Variants in RORA observed in about 807,000 individuals in gnomAD.
RORA encodes the protein nuclear receptor ROR-alpha.
Under a neutral mutation model 69.5 loss-of-function variants are expected in RORA, and 7 were observed. That is an observed-to-expected ratio of 0.10 (90% CI 0.06 to 0.19). The LOEUF is 0.19. Ranked by LOEUF, RORA falls within the 10% of genes least tolerant of loss-of-function variation. RORA has a pLI of 1.00. For synonymous variants in RORA, 261 were observed against 240.8 expected, an observed-to-expected ratio of 1.08 and a Z score of -0.78; for missense variants, 457 against 663.0, an observed-to-expected ratio of 0.69 and a Z score of 3.41.
chr15:60,844,107 T>G (rs2073235345), intron 1 of RORA, among the ~76,000 whole-genome samples: 2 of 152,202 alleles, frequency 1.3e-5, no homozygotes. Flanking sequence ...CATAGCCTCC[T>G]CTGGCTCTTC....
intron 1 of RORA, among the ~76,000 whole-genome samples, chr15:60,949,393 T>C (rs895794954): frequency 6.6e-6 from 1 of 152,132 alleles, no homozygotes; most frequent in African/African-American, 2.4e-5. Context: ...GGAAAAAAAC[T>C]CAGCACGTAA....
intron 1 of RORA, among the ~76,000 whole-genome samples, chr15:61,069,889 T>A (rs963858748): frequency 5.3e-5 from 8 of 152,178 alleles, no homozygotes; most frequent in Non-Finnish European, 8.8e-5. Context: ...GCAGGGGTCA[T>A]GTTAGAATAA....
At chr15:61,112,569 G>A (rs1322618509) in intron 1 of RORA, among the ~76,000 whole-genome samples, 1 of 152,138 alleles carries the variant, frequency 6.6e-6, no homozygotes, top group Non-Finnish European at 1.5e-5. Context: ...TTTATGCAGG[G>A]TGCCACGCGT....
At chr15:61,159,575 G>T (rs2079476314) in intron 1 of RORA, among the ~76,000 whole-genome samples, 1 of 152,128 alleles carries the variant, frequency 6.6e-6, no homozygotes, top group Non-Finnish European at 1.5e-5. Context: ...TGTCACGGAG[G>T]ATATTTTAGT....
intron 2 of RORA, among the ~76,000 whole-genome samples, chr15:60,673,017 T>A (rs1335802650): frequency 6.6e-6 from 1 of 152,204 alleles, no homozygotes; most frequent in African/African-American, 2.4e-5. Flanking sequence ...CAATCCCTCG[T>A]AGGCTAGGCA....
chr15:60,659,199 C>A (rs2070266532), intron 2 of RORA, among the ~76,000 whole-genome samples: 1 of 152,148 alleles, frequency 6.6e-6, no homozygotes, highest in South Asian at 2.1e-4. Context: ...CTGCTTTGAT[C>A]CCCGGAGGGA....
Position 60,503,605 on chromosome 15 carries a change from C to T in RORA, c.1005G>A (p.Val335=). The stretch of plus-strand genomic sequence containing the variant: ...ATCCATCAATGCGTTTGGCAAACTC[C>T]ACCACATACTGTATAGCTTCTGTAA... ...IKITEAIQYV[V]EFAKRIDGFM... The change falls in exon 7 of 11, where the codon GTG becomes GTA. Residue 335 remains valine (V), a synonymous_variant. Coordinates refer to ENST00000335670, the MANE Select transcript of RORA (RefSeq NM_134261.3). The T allele has an allele frequency of 6.2e-7, 1 of 1,614,114 alleles. No individual in the cohort carries two copies. Among genetic ancestry groups the T allele is most frequent in the Non-Finnish European group, 8.5e-7 (1 of 1,179,996 alleles).
chr15:60,856,493 T>A, intron 1 of RORA, among the ~76,000 whole-genome samples: 1 of 147,230 alleles, frequency 6.8e-6, no homozygotes, highest in South Asian at 2.1e-4. Context: ...CACTGACCTT[T>A]TTTTTTTTTT....
At chr15:61,199,183 A>G (rs1434188295) in intron 1 of RORA, among the ~76,000 whole-genome samples, 3 of 152,128 alleles carry the variant, frequency 2.0e-5, no homozygotes, top group African/African-American at 7.2e-5. Context: ...AATTTACCAA[A>G]AATGCCTCAT....
intron 1 of RORA, among the ~76,000 whole-genome samples, chr15:61,054,655 T>G (rs2078065370): frequency 6.6e-6 from 1 of 152,202 alleles, no homozygotes; most frequent in Non-Finnish European, 1.5e-5. Context: ...ATACTCTAAT[T>G]ACTTTTGAGG....
At chr15:60,855,833 T>C (rs2073373955) in intron 1 of RORA, among the ~76,000 whole-genome samples, 1 of 152,206 alleles carries the variant, frequency 6.6e-6, no homozygotes, top group Non-Finnish European at 1.5e-5. Flanking sequence ...GCCAGGCTGG[T>C]CTCGAACTCC....
At chr15:60,745,716 G>A (rs1202846241) in intron 1 of RORA, among the ~76,000 whole-genome samples, 1 of 152,168 alleles carries the variant, frequency 6.6e-6, no homozygotes, top group Non-Finnish European at 1.5e-5. Flanking sequence ...TGTAGACATG[G>A]CGACATTTGG....
intron 2 of RORA, among the ~76,000 whole-genome samples, chr15:60,542,412 TCA>T (rs907464644): frequency 3.4e-5 from 5 of 147,808 alleles, no homozygotes; most frequent in African/African-American, 1.3e-4. Context: ...TATACCATGC[TCA>T]CACACACCAC....
chr15:60,753,815 T>C (rs2071760244), intron 1 of RORA, among the ~76,000 whole-genome samples: 1 of 152,246 alleles, frequency 6.6e-6, no homozygotes, highest in Non-Finnish European at 1.5e-5. Context: ...TGCATGAATT[T>C]CTATTGCTTT....
At chr15:60,683,647 T>TACACACACACACACAC (rs59854874) in intron 1 of RORA, among the ~76,000 whole-genome samples, 1,677 of 148,694 alleles carry the variant, frequency 0.011, 39 homozygotes, top group African/African-American at 0.034. Flanking sequence ...CAGATACACA[T>TACACACACACACACAC]ACACACACAC....
At chr15:60,523,004 C>T (rs531216600) in intron 3 of RORA, among the ~76,000 whole-genome samples, 2 of 150,306 alleles carry the variant, frequency 1.3e-5, no homozygotes, top group East Asian at 2.0e-4. Context: ...CACCACTGCA[C>T]TCCAGCCTGG....
At chr15:60,756,083 C>T (rs188645724) in intron 1 of RORA, among the ~76,000 whole-genome samples, 65 of 152,210 alleles carry the variant, frequency 4.3e-4, no homozygotes, top group African/African-American at 1.6e-3. Flanking sequence ...TGAGGGAAAC[C>T]CAGGGTTTCA....
intron 1 of RORA, among the ~76,000 whole-genome samples, chr15:60,726,286 A>G (rs1211998784): frequency 6.6e-6 from 1 of 152,208 alleles, no homozygotes; most frequent in Non-Finnish European, 1.5e-5. Context: ...ATAAGAGGTC[A>G]TGCTGGCAAG....
At chr15:60,815,551 A>G (rs998005690) in intron 1 of RORA, among the ~76,000 whole-genome samples, 43 of 152,122 alleles carry the variant, frequency 2.8e-4, no homozygotes, top group African/African-American at 1.0e-3. Context: ...CAACTTACAA[A>G]CGTGGAAAGA....
Sources: gnomAD v4.1 joint callset for allele counts (sites outside exome capture counted in the v4.1 genomes callset) on GRCh38, gnomAD v4.1.1 for gene constraint, MANE v1.5 for transcripts, NCBI Gene and HGNC (gene_info 2026-07-23, HGNC 2026-07-21) for gene names.